STAU2: variants seen among roughly 807,000 people sequenced by gnomAD.
STAU2 encodes the protein double-stranded RNA-binding protein Staufen homolog 2.
STAU2 carries 20 observed loss-of-function variants against 65.9 expected under a neutral mutation model. That is an observed-to-expected ratio of 0.30 (90% CI 0.21 to 0.44). The LOEUF is 0.44. STAU2 is among the 20% of genes least tolerant of loss of function. STAU2 has a pLI of 1.00. For missense variants in STAU2, 558 were observed against 683.9 expected, an observed-to-expected ratio of 0.82 and a Z score of 2.05; for synonymous variants, 232 against 233.9, an observed-to-expected ratio of 0.99 and a Z score of 0.07.
intron 3 of STAU2, among the ~76,000 whole-genome samples, chr8:73,729,769 G>C (rs1563534480): frequency 6.6e-6 from 1 of 152,112 alleles, no homozygotes; most frequent in African/African-American, 2.4e-5. Context: ...GTCAGTTTTA[G>C]TAATGCGTAT....
chr8:73,475,483 T>C (rs774953877), intron 13 of STAU2, among the ~76,000 whole-genome samples: 2 of 152,124 alleles, frequency 1.3e-5, no homozygotes, highest in Non-Finnish European at 2.9e-5. Flanking sequence ...AATCATTGAG[T>C]CAGTAAATAG....
At chr8:73,454,408 C>T (rs1585790382) in intron 13 of STAU2, among the ~76,000 whole-genome samples, 1 of 152,202 alleles carries the variant, frequency 6.6e-6, no homozygotes, top group East Asian at 1.9e-4. Flanking sequence ...GTGGGCCTAC[C>T]TTCAACTCAC....
At chr8:73,660,755 T>C (rs1303233559) in intron 6 of STAU2, among the ~76,000 whole-genome samples, 1 of 152,182 alleles carries the variant, frequency 6.6e-6, no homozygotes, top group East Asian at 1.9e-4. Context: ...TGCGCAGTTT[T>C]CTAAGGGAGA....
chr8:73,507,230 T>A (rs957057157), intron 13 of STAU2, among the ~76,000 whole-genome samples: 2 of 150,414 alleles, frequency 1.3e-5, no homozygotes, highest in African/African-American at 4.9e-5. Flanking sequence ...GAGGAATAAC[T>A]ATCTATGGAA....
At chr8:73,586,836 C>T (rs1262502017) in intron 11 of STAU2, among the ~76,000 whole-genome samples, 1 of 151,624 alleles carries the variant, frequency 6.6e-6, no homozygotes, top group Non-Finnish European at 1.5e-5. Context: ...TCCTAGAAAA[C>T]AGAACAACAA....
intron 13 of STAU2, among the ~76,000 whole-genome samples, chr8:73,448,693 C>G (rs1048454603): frequency 6.6e-6 from 1 of 152,248 alleles, no homozygotes; most frequent in Non-Finnish European, 1.5e-5. Context: ...CGTCACGGGG[C>G]TGGAAGATGA....
chr8:73,741,841 A>C (rs138214461), intron 1 of STAU2, among the ~76,000 whole-genome samples: 1 of 152,316 alleles, frequency 6.6e-6, no homozygotes, highest in African/African-American at 2.4e-5. Flanking sequence ...GACACGGAAA[A>C]GATATTCCAT....
At chr8:73,653,500 T>C (rs1404455181) in intron 6 of STAU2, 1 of 152,442 alleles carries the variant, frequency 6.6e-6, no homozygotes, top group African/African-American at 2.4e-5. Flanking sequence ...ATTCTTCCCT[T>C]CTTCTTTACT....
chr8:73,687,812 C>T lies in STAU2; in HGVS notation c.274+842G>A, dbSNP rs1459866790. 3.3e-5 allele frequency among the ~76,000 whole-genome samples: 5 copies of T among 151,164 alleles called. No individual in the cohort carries two copies. In the East Asian group the frequency reaches 5.9e-4, roughly 18 times the overall value. On this transcript the variant is annotated intron_variant, in intron 5 of 14. Transcript: ENST00000524300. Reference sequence around the variant, plus strand: ...CTGCAACCTCTGCCTCCCGGGTTCACGCCATTCTCCTGCCTCGGCCTCCTG... The same window carrying T: ...CTGCAACCTCTGCCTCCCGGGTTCATGCCATTCTCCTGCCTCGGCCTCCTG...
rs774883873 is a variant in STAU2 at position 73,421,422 on chromosome 8, G to A, written c.1663C>T (p.Pro555Ser). 3 of 1,537,170 alleles carry A rather than the reference G, an allele frequency of 2.0e-6. No homozygotes were observed. The highest frequency in any genetic ancestry group is 1.2e-5 in the South Asian group (1 of 84,064). Residue 555 changes from proline (P) to serine (S), a missense_variant, in exon 15 of 15, where the codon CCC (proline) becomes TCC (serine). Pro to Ser is a moderately conservative substitution (Grantham distance 74). This residue lies in a region of STAU2 where 247 missense variants were observed against 270.1 expected (regional missense o/e 0.91). Transcript: ENST00000524300. Reference protein sequence around the residue: ...LREKADNNQAPPGSIAQDCKK... With the variant: ...LREKADNNQASPGSIAQDCKK... ...CAGTCCTGAGCGATGGAGCCCGGGG[G>A]TGCCTGGTTATTGTCCGCTTTCTCT...
At chr8:73,627,190 G>A (rs908044999) in intron 6 of STAU2, among the ~76,000 whole-genome samples, 6 of 131,944 alleles carry the variant, frequency 4.5e-5, no homozygotes, top group African/African-American at 1.7e-4. Context: ...ATTGTGGAGT[G>A]ATGCTGCAGG....
chr8:73,705,006 A>G (rs1215226560), intron 4 of STAU2, among the ~76,000 whole-genome samples: 1 of 152,192 alleles, frequency 6.6e-6, no homozygotes, highest in Non-Finnish European at 1.5e-5. Flanking sequence ...CAAAACTCCT[A>G]ACAGCATGAT....
At chr8:73,572,199 G>C (rs1809153404) in intron 12 of STAU2, among the ~76,000 whole-genome samples, 1 of 152,130 alleles carries the variant, frequency 6.6e-6, no homozygotes, top group African/African-American at 2.4e-5. Context: ...GACTAAACCA[G>C]GAAGAACTTG....
At chr8:73,657,551 T>C (rs1167702356) in intron 6 of STAU2, among the ~76,000 whole-genome samples, 1 of 152,202 alleles carries the variant, frequency 6.6e-6, no homozygotes, top group African/African-American at 2.4e-5. Context: ...TTCAAATGAA[T>C]GAATTAAATT....
At chr8:73,719,047 C>G (rs924860822) in intron 3 of STAU2, among the ~76,000 whole-genome samples, 34 of 152,142 alleles carry the variant, frequency 2.2e-4, no homozygotes, top group African/African-American at 7.5e-4. Flanking sequence ...GGGCTAGAAC[C>G]TCCACGGCAA....
Position 73,673,033 on chromosome 8 carries a change from CTT to C in STAU2, c.410+72_410+73del, listed in dbSNP as rs2130411729. The C allele has an allele frequency of 9.7e-6, 13 of 1,343,482 alleles. No homozygotes were observed. In the South Asian group the frequency reaches 2.0e-4, roughly 21 times the overall value. The allele number at this position is 1,343,482 out of a possible 1,614,324, so 83.2% of individuals were successfully genotyped here. ...CAATTAGATTTACAATGAAAATACT[CTT>C]TTGAGTGTGAGAAACTTTTATAACA... On this transcript the variant is annotated intron_variant, in intron 6 of 14. Coordinates refer to ENST00000524300, the MANE Select transcript of STAU2 (RefSeq NM_001164380.2).
chr8:73,739,281 G>A lies in STAU2; in HGVS notation c.-84+475C>T, dbSNP rs188690843. Among the ~76,000 whole-genome samples, 637 of 149,574 alleles carry A rather than the reference G, an allele frequency of 4.3e-3. 1 individual carries two copies. Among genetic ancestry groups the A allele is most frequent in the Non-Finnish European group, 7.3e-3 (495 of 67,402 alleles). On this transcript the variant is annotated intron_variant, in intron 2 of 14. Coordinates refer to ENST00000524300, the MANE Select transcript of STAU2 (RefSeq NM_001164380.2). ...TAATTTGAAAACAGATGCCAATGAA[G>A]GGCAGGAAAGTCCAAATTACAAATA... is the stretch of plus-strand genomic sequence containing the variant.
intron 6 of STAU2, among the ~76,000 whole-genome samples, chr8:73,627,768 A>G (rs1586151610): frequency 6.6e-6 from 1 of 151,958 alleles, no homozygotes; most frequent in Non-Finnish European, 1.5e-5. Flanking sequence ...AAAAAAAAAA[A>G]AAACACTGAC....
intron 6 of STAU2, among the ~76,000 whole-genome samples, chr8:73,622,165 G>C: frequency 1.7e-5 from 1 of 57,912 alleles, no homozygotes; most frequent in African/African-American, 1.2e-4. Context: ...TCTCGCTGTC[G>C]CCCAGGCTGG....
Sources: gnomAD v4.1 joint callset for allele counts (sites outside exome capture counted in the v4.1 genomes callset) on GRCh38, gnomAD v4.1.1 for gene constraint, gnomAD v4.1.1 regional missense constraint, MANE v1.5 for transcripts, NCBI Gene and HGNC (gene_info 2026-07-23, HGNC 2026-07-21) for gene names.